Variants in NTNG1 observed in about 807,000 individuals in gnomAD.
NTNG1 encodes the protein netrin-G1.
Under a neutral mutation model 54.0 loss-of-function variants are expected in NTNG1, and 16 were observed. The observed-to-expected ratio is 0.30, with a 90% CI of 0.20 to 0.45. NTNG1 has a LOEUF of 0.45. Among genes scored for constraint, NTNG1 ranks in the 20% least tolerant of loss-of-function variants. NTNG1 has a pLI of 1.00. For missense variants in NTNG1, 530 were observed against 678.7 expected (o/e 0.78, Z 2.43); for synonymous variants, 255 against 263.1 (o/e 0.97, Z 0.30).
intron 2 of NTNG1, among the ~76,000 whole-genome samples, chr1:107,291,316 T>A (rs558390833): frequency 6.6e-6 from 1 of 152,138 alleles, no homozygotes; most frequent in Non-Finnish European, 1.5e-5. Context: ...ACATAGAAAA[T>A]ATGTGTAACC....
chr1:107,466,112 A>G (rs1677592475), intron 7 of NTNG1, among the ~76,000 whole-genome samples: 1 of 152,166 alleles, frequency 6.6e-6, no homozygotes, highest in South Asian at 2.1e-4. Context: ...GAGATTCTGA[A>G]CACACTGTTG....
intron 2 of NTNG1, among the ~76,000 whole-genome samples, chr1:107,169,961 C>T (rs150228667): frequency 1.3e-5 from 2 of 152,320 alleles, no homozygotes; most frequent in African/African-American, 4.8e-5. Flanking sequence ...GGAATTTTCT[C>T]TTCTTTAGGG....
Position 107,419,259 on chromosome 1 carries a change from T to TCTCC in NTNG1, c.1088-11491_1088-11490insCTCC, listed in dbSNP as rs1174727679. On this transcript the variant is annotated intron_variant, in intron 5 of 7. Transcript: ENST00000370068. ...TCCCTCCTCTCTCTCTCTCTCTCTCTGTCTTTCACATCACAGTAAATTTTC... is the reference window on the plus strand; with the variant it reads ...TCCCTCCTCTCTCTCTCTCTCTCTCTCTCCGTCTTTCACATCACAGTAAATTTTC... 2.0e-5 allele frequency among the ~76,000 whole-genome samples: 3 copies of TCTCC among 151,574 alleles called. No homozygotes were observed. The Admixed American group carries it at 2.0e-4, about 10-fold the overall frequency.
chr1:107,278,024 G>A (rs912629613), intron 2 of NTNG1, among the ~76,000 whole-genome samples: 3 of 152,174 alleles, frequency 2.0e-5, no homozygotes, highest in African/African-American at 7.2e-5. Flanking sequence ...AAAAACACGT[G>A]ATTGGTTTCC....
At chr1:107,213,228 A>G (rs1172074618) in intron 2 of NTNG1, among the ~76,000 whole-genome samples, 1 of 152,074 alleles carries the variant, frequency 6.6e-6, no homozygotes, top group African/African-American at 2.4e-5. Flanking sequence ...TTGCACAATC[A>G]AGCCCGTTAC....
At chr1:107,295,231 G>T (rs903589171) in intron 2 of NTNG1, among the ~76,000 whole-genome samples, 1 of 152,144 alleles carries the variant, frequency 6.6e-6, no homozygotes, top group Non-Finnish European at 1.5e-5. Context: ...ACCCAACTTT[G>T]CTTCTTTTCT....
At chr1:107,353,564 C>G (rs537367090) in intron 3 of NTNG1, among the ~76,000 whole-genome samples, 31 of 152,212 alleles carry the variant, frequency 2.0e-4, no homozygotes, top group African/African-American at 5.8e-4. Context: ...TTTGGAAGTT[C>G]CAAACTTTCC....
intron 1 of NTNG1, among the ~76,000 whole-genome samples, chr1:107,143,739 G>C (rs1653907975): frequency 6.6e-6 from 1 of 152,050 alleles, no homozygotes; most frequent in African/African-American, 2.4e-5. Flanking sequence ...TGAGACCTTA[G>C]ATCTCTGAAC....
intron 5 of NTNG1, chr1:107,418,761 AAT>A: frequency 1.6e-6 from 1 of 616,430 alleles, no homozygotes; most frequent in South Asian, 2.3e-5. Context: ...TCTTTGAAAG[AAT>A]CATAATTCAA....
chr1:107,251,138 G>A (rs1483394943), intron 2 of NTNG1, among the ~76,000 whole-genome samples: 1 of 152,164 alleles, frequency 6.6e-6, no homozygotes, highest in African/African-American at 2.4e-5. Context: ...CTGCATGACT[G>A]ACTCTTCTAG....
chr1:107,436,713 C>T lies in NTNG1; in HGVS notation c.1304C>T (p.Ser435Leu), dbSNP rs1272609120. Residue 435 changes from serine (S) to leucine (L), a missense_variant, in exon 7 of 8, where the codon TCA becomes TTA. By Grantham distance (145) the Ser-to-Leu change is moderately radical. Around this residue, in one of 2 missense-constraint regions of NTNG1, gnomAD observed 212 missense variants for 213.6 expected, o/e 0.99. Transcript: ENST00000370068. ...LGSIHDRCNG[S>L]GFCECKTGTT... ...TCAATCCATGATCGTTGTAATGGCT[C>T]AGGATTTTGTGAGTGTAAGACTGGA... The T allele has an allele frequency of 1.9e-6, 3 of 1,613,304 alleles. No homozygotes were observed. In the South Asian group the frequency reaches 3.3e-5, roughly 18 times the overall value.
At chr1:107,325,117 G>C (rs1437066287) in intron 3 of NTNG1, among the ~76,000 whole-genome samples, 195 bp downstream of exon 3, 1 of 152,068 alleles carries the variant, frequency 6.6e-6, no homozygotes, top group Non-Finnish European at 1.5e-5. Context: ...CAAACTTGCT[G>C]TCCCTGAACC....
chr1:107,320,729 C>G (rs1297136302), intron 2 of NTNG1, among the ~76,000 whole-genome samples: 6 of 137,972 alleles, frequency 4.3e-5, no homozygotes, highest in Non-Finnish European at 6.3e-5. Flanking sequence ...TTTTTTTTTC[C>G]TGCTTCCTCT....
intron 2 of NTNG1, among the ~76,000 whole-genome samples, chr1:107,306,520 G>A (rs1274771490): frequency 6.6e-6 from 1 of 152,194 alleles, no homozygotes; most frequent in Non-Finnish European, 1.5e-5. Context: ...GGAGGCCAAG[G>A]CAGGCAGATC....
chr1:107,359,471 CAA>C (rs966106302), intron 3 of NTNG1, among the ~76,000 whole-genome samples: 2 of 152,094 alleles, frequency 1.3e-5, no homozygotes, highest in Non-Finnish European at 2.9e-5. Context: ...GGTGGGCAAA[CAA>C]AGGCTTTATA....
intron 4 of NTNG1, among the ~76,000 whole-genome samples, chr1:107,399,893 C>A (rs986014445): frequency 3.3e-5 from 5 of 152,040 alleles, no homozygotes; most frequent in African/African-American, 1.2e-4. Flanking sequence ...AACCTGCCCT[C>A]TTCCTTCATC....
In NTNG1 at chr1:107,430,638, T is replaced by C. The variant is rs759404917; in HGVS notation, c.1088-112T>C. The C allele has an allele frequency of 4.8e-6, 5 of 1,047,804 alleles. No homozygotes were observed. In the African/African-American group the frequency reaches 6.2e-5, roughly 13 times the overall value. The allele number at this position is 1,047,804 out of a possible 1,614,324, so 64.9% of individuals were successfully genotyped here. A position where few individuals can be genotyped will look rare whatever the true frequency, so the allele number is the denominator to read the frequency against. On this transcript the variant is annotated intron_variant, in intron 5 of 7. Coordinates refer to ENST00000370068, the MANE Select transcript of NTNG1 (RefSeq NM_001113226.3). Reference sequence around the variant, plus strand: ...CATGTGTTGTGTTGAATCACATATATGTAATGCCATTCCACCGTCTTTTCT... The same window carrying C: ...CATGTGTTGTGTTGAATCACATATACGTAATGCCATTCCACCGTCTTTTCT...
chr1:107,471,546 A>G (rs771602892), intron 7 of NTNG1, among the ~76,000 whole-genome samples: 50 of 152,196 alleles, frequency 3.3e-4, no homozygotes, highest in Non-Finnish European at 6.3e-4. Flanking sequence ...CTGGAAACAC[A>G]GCTTATTTAT....
At chr1:107,292,101 G>A (rs1665643482) in intron 2 of NTNG1, among the ~76,000 whole-genome samples, 6 of 152,086 alleles carry the variant, frequency 3.9e-5, no homozygotes. Context: ...TTAAAATGCA[G>A]ATAAAAACAA....
Sources: allele counts gnomAD v4.1 joint callset (sites outside exome capture counted in the v4.1 genomes callset), GRCh38; gene constraint gnomAD v4.1.1; regional missense constraint gnomAD v4.1.1; transcripts MANE v1.5; gene names NCBI Gene and HGNC (gene_info 2026-07-23, HGNC 2026-07-21).